ALPI: variants seen among roughly 807,000 people sequenced by gnomAD.
ALPI encodes the protein alkaline phosphatase, intestinal.
A neutral mutation model predicts 51.5 loss-of-function variants in ALPI; 50 were observed. That is an observed-to-expected ratio of 0.97 (90% CI 0.77 to 1.23). ALPI has a LOEUF of 1.23. Ranked by LOEUF, ALPI falls within the 50% of genes most tolerant of loss-of-function variation. ALPI has a pLI of 0.00. For missense variants in ALPI, 692 were observed against 722.4 expected (o/e 0.96, Z 0.48); for synonymous variants, 322 against 308.2 (o/e 1.04, Z -0.47).
Position 232,458,681 on chromosome 2 carries a change from G to A in ALPI, c.1233G>A (p.Leu411=), listed in dbSNP as rs772948420. Residue 411 remains leucine (L), a synonymous_variant, in exon 10 of 11, where the codon CTG becomes CTA. Coordinates refer to ENST00000295463, the MANE Select transcript of ALPI (RefSeq NM_001631.5). ...AQDSKAYTSI[L]YGNGPGYVFN... ...ACAGCAAAGCCTACACGTCCATCCT[G>A]TACGGCAATGGCCCGGGCTACGTGT... 6.2e-7 allele frequency: 1 copy of A among 1,614,022 alleles called. No individual in the cohort carries two copies. Among genetic ancestry groups the A allele is most frequent in the Admixed American group, 1.7e-5 (1 of 60,024 alleles).
In ALPI at chr2:232,456,353, G is replaced by A; in HGVS notation, c.72G>A (p.Glu24=). 2 of 1,614,022 alleles carry A rather than the reference G, an allele frequency of 1.2e-6. No individual in the cohort carries two copies. Among genetic ancestry groups the A allele is most frequent in the Non-Finnish European group, 1.7e-6 (2 of 1,179,986 alleles). Residue 24 remains glutamate, a synonymous_variant, in exon 2 of 11, where the codon GAG becomes GAA. Transcript: ENST00000295463. The surrounding 1 kb of genome is among the most constrained non-coding windows in gnomAD (Gnocchi z 4.2). ...LQLSLGVIPA[E]EENPAFWNRQ... is the part of the protein sequence containing the mutation. ...CTCTACTCTCCCCCTGGCCAGCTGAGGAGGAGAACCCGGCCTTCTGGAACC... is the reference window on the plus strand; with the variant it reads ...CTCTACTCTCCCCCTGGCCAGCTGAAGAGGAGAACCCGGCCTTCTGGAACC...
Position 232,458,139 on chromosome 2 carries a change from G to C in ALPI, c.991+7G>C. ...TTCTACCTCTTTGTGGAGGGTGCGT[G>C]GTGGCCCCTGGGGAGTGGAGGAAGG... is the stretch of plus-strand genomic sequence containing the variant. On this transcript the variant is annotated splice_region_variant and intron_variant, in intron 8 of 10. Transcript: ENST00000295463. 17 of 1,614,036 alleles carry C rather than the reference G, an allele frequency of 1.1e-5. No homozygotes were observed. The highest frequency in any genetic ancestry group is 1.3e-5 in the Non-Finnish European group (15 of 1,179,964).
rs763465481 is a variant in ALPI, at chr2:232,458,252, G to A, written c.1027G>A (p.Ala343Thr). The A allele has an allele frequency of 3.7e-6, 6 of 1,614,156 alleles. No individual in the cohort carries two copies. Among genetic ancestry groups the A allele is most frequent in the Non-Finnish European group, 5.1e-6 (6 of 1,180,026 alleles). Residue 343 changes from alanine to threonine, a missense_variant, in exon 9 of 11, where the codon GCT becomes ACT. Coordinates refer to ENST00000295463, the MANE Select transcript of ALPI (RefSeq NM_001631.5). Reference sequence around the variant, plus strand: ...CGACCATGGTCATCATGAGGGTGTGGCTTACCAGGCACTCACTGAGGCGGT... The same window carrying A: ...CGACCATGGTCATCATGAGGGTGTGACTTACCAGGCACTCACTGAGGCGGT... ...RIDHGHHEGV[A>T]YQALTEAVMF...
At position 232,458,923 on chromosome 2, in the gene ALPI, A is replaced by G. The variant is rs773493934; in HGVS notation, c.1364A>G (p.Asp455Gly). ...PLSSETHGGE[D>G]VAVFARGPQA... is the part of the protein sequence containing the mutation. Reference sequence around the variant, plus strand: ...TCGTCCGAGACCCACGGAGGCGAAGACGTGGCGGTGTTTGCGCGCGGCCCG... The same window carrying G: ...TCGTCCGAGACCCACGGAGGCGAAGGCGTGGCGGTGTTTGCGCGCGGCCCG... Residue 455 changes from aspartate (D) to glycine (G), a missense_variant, in exon 11 of 11, where the codon GAC becomes GGC. Coordinates refer to ENST00000295463, the MANE Select transcript of ALPI (RefSeq NM_001631.5). The G allele has an allele frequency of 6.2e-7, 1 of 1,609,878 alleles. No individual in the cohort carries two copies. The highest frequency in any genetic ancestry group is 8.5e-7 in the Non-Finnish European group (1 of 1,178,778).
In ALPI at chr2:232,456,341, C is replaced by A. The variant is rs774286323; in HGVS notation, c.68-8C>A. On this transcript the variant is annotated splice_region_variant and splice_polypyrimidine_tract_variant and intron_variant, in intron 1 of 10. Coordinates refer to ENST00000295463, the MANE Select transcript of ALPI (RefSeq NM_001631.5). The surrounding 1 kb of genome is among the most constrained non-coding windows in gnomAD (Gnocchi z 4.2). ...GGCTGACCTGATCTCTACTCTCCCC[C>A]TGGCCAGCTGAGGAGGAGAACCCGG... The A allele has an allele frequency of 6.2e-7, 1 of 1,614,148 alleles. No individual in the cohort carries two copies. The highest frequency in any genetic ancestry group is 8.5e-7 in the Non-Finnish European group (1 of 1,180,016).
rs551977075 is a variant in ALPI at position 232,458,284 on chromosome 2, C to T, written c.1059C>T (p.Phe353=). 7.4e-6 allele frequency: 12 copies of T among 1,614,138 alleles called. No homozygotes were observed. The African/African-American group carries it at 1.1e-4, about 14-fold the overall frequency. The change falls in exon 9 of 11, where the codon TTC becomes TTT. Residue 353 remains phenylalanine (F), a synonymous_variant. Coordinates refer to ENST00000295463, the MANE Select transcript of ALPI (RefSeq NM_001631.5). ...AGGCACTCACTGAGGCGGTCATGTT[C>T]GACGACGCCATTGAGAGGGCGGGCC... ...AYQALTEAVM[F]DDAIERAGQL... is the part of the protein sequence containing the mutation.
In ALPI at chr2:232,459,786, G is replaced by A. The variant is rs1051384533; in HGVS notation, c.*640G>A. 2 of 152,672 alleles carry A rather than the reference G, an allele frequency of 1.3e-5. No individual in the cohort carries two copies. Among genetic ancestry groups the A allele is most frequent in the African/African-American group, 4.8e-5 (2 of 41,458 alleles). 9.5% of individuals were successfully genotyped at this position (152,672 alleles called of 1,614,324 possible). A position where few individuals can be genotyped will look rare whatever the true frequency, so the allele number is the denominator to read the frequency against. On this transcript the variant is annotated 3_prime_UTR_variant, in exon 11 of 11. Coordinates refer to ENST00000295463, the MANE Select transcript of ALPI (RefSeq NM_001631.5). ...CTGCACCTGACCAAGGGACCAATGA[G>A]GCAGAGGCTTGCCCCAAGTCACAGC...
rs1250540346 is a variant in ALPI, at chr2:232,460,520, C to T, written c.*1374C>T. On this transcript the variant is annotated 3_prime_UTR_variant, in exon 11 of 11. Transcript: ENST00000295463. ...CTCCCTCTGAAAGTATTCTGGAGCGCCCATCCCAATACAGCCATACTTAGT... is the reference window on the plus strand; with the variant it reads ...CTCCCTCTGAAAGTATTCTGGAGCGTCCATCCCAATACAGCCATACTTAGT... Among the ~76,000 whole-genome samples, 2 of 152,110 alleles carry T rather than the reference C, an allele frequency of 1.3e-5. No individual in the cohort carries two copies. The highest frequency in any genetic ancestry group is 4.8e-5 in the African/African-American group (2 of 41,414).
Position 232,456,632 on chromosome 2 carries a change from T to C in ALPI, c.237T>C (p.Asn79=), listed in dbSNP as rs2106409273. The C allele has an allele frequency of 6.2e-7, 1 of 1,613,128 alleles. No homozygotes were observed. The highest frequency in any genetic ancestry group is 2.2e-5 in the East Asian group (1 of 44,826). The part of the protein sequence containing the change: ...TATRILKGQK[N]GKLGPETPLA... ...CCAGGATCCTAAAGGGGCAGAAGAA[T>C]GGCAAACTGGGGCCTGAGACGCCCC... The change falls in exon 3 of 11, where the codon AAT becomes AAC. Residue 79 remains asparagine (N), a synonymous_variant. Coordinates refer to ENST00000295463, the MANE Select transcript of ALPI (RefSeq NM_001631.5). This position sits in a 1 kb window ranked among gnomAD's most constrained non-coding sequence, Gnocchi z 4.2.
At chr2:232,458,555 G>A in intron 9 of ALPI, 77 bp from the exon 10 acceptor site, 1 of 1,547,498 alleles carries the variant, frequency 6.5e-7, no homozygotes. Context: ...CAGGCAAAAA[G>A]TGGCGGTGCC....
In ALPI at chr2:232,457,760, G is replaced by C; in HGVS notation, c.784-35G>C. 1 of 1,613,186 alleles carries C rather than the reference G, an allele frequency of 6.2e-7. No homozygotes were observed. The highest frequency in any genetic ancestry group is 8.5e-7 in the Non-Finnish European group (1 of 1,179,488). ...GGGGAGGCCAAGTGTGTGGGTCTCA[G>C]GGCTGTGGGCTGAAGCCTGGCTCTG... is the stretch of plus-strand genomic sequence containing the variant. On this transcript the variant is annotated intron_variant, in intron 6 of 10. Coordinates refer to ENST00000295463, the MANE Select transcript of ALPI (RefSeq NM_001631.5). This position sits in a 1 kb window ranked among gnomAD's most constrained non-coding sequence, Gnocchi z 4.7.
At position 232,459,170 on chromosome 2, in the gene ALPI, G is replaced by A. The variant is rs374587854; in HGVS notation, c.*24G>A. The A allele has an allele frequency of 5.1e-5, 78 of 1,521,150 alleles. No individual in the cohort carries two copies. The African/African-American group carries it at 9.3e-4, about 18-fold the overall frequency. The allele number at this position is 1,521,150 out of a possible 1,614,324, so 94.2% of individuals were successfully genotyped here. A position where few individuals can be genotyped will look rare whatever the true frequency, so the allele number is the denominator to read the frequency against. ...GAGTGCCCCACTCCGGAGTTATCCTGCTCCCCACCTCCGGGCGTCCTGCCC... is the reference window on the plus strand; with the variant it reads ...GAGTGCCCCACTCCGGAGTTATCCTACTCCCCACCTCCGGGCGTCCTGCCC... On this transcript the variant is annotated 3_prime_UTR_variant, in exon 11 of 11. Coordinates refer to ENST00000295463, the MANE Select transcript of ALPI (RefSeq NM_001631.5).
chr2:232,456,982 C>T lies in ALPI; in HGVS notation c.384C>T (p.Thr128=). Residue 128 remains threonine, a synonymous_variant, in exon 4 of 11, where the codon ACC becomes ACT. Transcript: ENST00000295463. The surrounding 1 kb of genome is among the most constrained non-coding windows in gnomAD (Gnocchi z 4.2). ...GCGGGGTCAAGGCCAACTTCCAGAC[C>T]ATCGGCTTGAGTGCAGCCGCCCGCT... is the stretch of plus-strand genomic sequence containing the variant. ...YLCGVKANFQ[T]IGLSAAARFN... 1.2e-6 allele frequency: 2 copies of T among 1,613,640 alleles called. No individual in the cohort carries two copies. Among genetic ancestry groups the T allele is most frequent in the African/African-American group, 2.7e-5 (2 of 75,054 alleles).
In ALPI at chr2:232,457,295, T is replaced by C. The variant is rs754090093; in HGVS notation, c.621T>C (p.Thr207=). The change falls in exon 5 of 11, where the codon ACT becomes ACC. Residue 207 remains threonine (T), a synonymous_variant. Transcript: ENST00000295463. The surrounding 1 kb of genome is among the most constrained non-coding windows in gnomAD (Gnocchi z 4.7). ...AGGAGGGGTGCCAGGACATCGCCAC[T>C]CAGCTCATCTCCAACATGGACATTG... The part of the protein sequence containing the change: ...ARQEGCQDIA[T]QLISNMDIDV... 1.9e-6 allele frequency: 3 copies of C among 1,611,884 alleles called. No individual in the cohort carries two copies. Among genetic ancestry groups the C allele is most frequent in the Admixed American group, 1.7e-5 (1 of 59,970 alleles).
rs201411332 is a variant in ALPI, at chr2:232,456,242, C to T, written c.43C>T (p.Gln15Ter). Residue 15 changes from glutamine (Q) to a stop codon, truncating the protein, a stop_gained, in exon 1 of 11, where the codon CAG (glutamine) becomes TAG (stop). Transcript: ENST00000295463. LOFTEE classifies it high-confidence loss of function. This position sits in a 1 kb window ranked among gnomAD's most constrained non-coding sequence, Gnocchi z 4.2. ...WVLLLLGLRL[Q>*]LSLGVIPAEE... is the part of the protein sequence containing the mutation. ...GCTGCTGCTGCTGGGCCTGAGGCTA[C>T]AGCTCTCCCTGGGCGTCATCCCAGG... 1.2e-4 allele frequency: 188 copies of T among 1,613,880 alleles called. No homozygotes were observed. Among genetic ancestry groups the T allele is most frequent in the Non-Finnish European group, 1.6e-4 (186 of 1,180,014 alleles).
In ALPI at chr2:232,459,382, T is replaced by A; in HGVS notation, c.*236T>A. The stretch of plus-strand genomic sequence containing the variant: ...AGCCTGGGACTTCCAGGACCTCCCC[T>A]CAGGTTGTTCTCTGATTCTTCCTCC... On this transcript the variant is annotated 3_prime_UTR_variant, in exon 11 of 11. Transcript: ENST00000295463. The A allele has an allele frequency of 1.8e-6, 1 of 556,098 alleles. No individual in the cohort carries two copies. Among genetic ancestry groups the A allele is most frequent in the Non-Finnish European group, 3.2e-6 (1 of 314,954 alleles). The allele number at this position is 556,098 out of a possible 1,614,324, so 34.4% of individuals were successfully genotyped here. A position where few individuals can be genotyped will look rare whatever the true frequency, so the allele number is the denominator to read the frequency against.
rs1690290000 is a variant in ALPI, at chr2:232,460,436, G to T, written c.*1290G>T. Reference sequence around the variant, plus strand: ...GGTCTGGTCTTTTGGGCAGAGGGTGGGGGTGGTGGCAGGCTCAGGTGAAAG... The same window carrying T: ...GGTCTGGTCTTTTGGGCAGAGGGTGTGGGTGGTGGCAGGCTCAGGTGAAAG... On this transcript the variant is annotated 3_prime_UTR_variant, in exon 11 of 11. Transcript: ENST00000295463. 6.6e-6 allele frequency among the ~76,000 whole-genome samples: 1 copy of T among 152,148 alleles called. No homozygotes were observed. Among genetic ancestry groups the T allele is most frequent in the African/African-American group, 2.4e-5 (1 of 41,412 alleles).
chr2:232,457,232 C>T lies in ALPI; in HGVS notation c.558C>T (p.Asn186=), dbSNP rs956961134. ...CCTACGCACACACAGTGAACCGCAACTGGTACTCAGATGCTGACATGCCTG... is the reference window on the plus strand; with the variant it reads ...CCTACGCACACACAGTGAACCGCAATTGGTACTCAGATGCTGACATGCCTG... ...AGTYAHTVNR[N]WYSDADMPAS... The change falls in exon 5 of 11, where the codon AAC becomes AAT. Residue 186 remains asparagine, a synonymous_variant. Transcript: ENST00000295463. This position sits in a 1 kb window ranked among gnomAD's most constrained non-coding sequence, Gnocchi z 4.7. 6.2e-7 allele frequency: 1 copy of T among 1,613,524 alleles called. No homozygotes were observed. Among genetic ancestry groups the T allele is most frequent in the Admixed American group, 1.7e-5 (1 of 60,036 alleles).
intron 9 of ALPI, 106 bp from the exon 10 acceptor site, chr2:232,458,526 T>A: frequency 6.6e-7 from 1 of 1,525,246 alleles, no homozygotes; most frequent in Non-Finnish European, 8.9e-7. Flanking sequence ...AGGGATCTTG[T>A]GAGGACCGAG....
Sources: gnomAD v4.1 joint callset for allele counts (sites outside exome capture counted in the v4.1 genomes callset) on GRCh38, gnomAD v4.1.1 for gene constraint, Gnocchi (gnomAD v3.1) non-coding constraint, MANE v1.5 for transcripts, NCBI Gene and HGNC (gene_info 2026-07-23, HGNC 2026-07-21) for gene names.